Variants in C2orf80 observed in about 807,000 individuals in gnomAD.
C2orf80 encodes chromosome 2 open reading frame 80.
A neutral mutation model predicts 30.2 loss-of-function variants in C2orf80; 28 were observed. The ratio of observed to expected loss-of-function variants is 0.93; its 90% confidence interval spans 0.69 to 1.27. The LOEUF is 1.27. C2orf80 is among the 50% of genes most tolerant of loss of function. The pLI is 0.00. For missense variants in C2orf80, 220 were observed against 231.0 expected (o/e 0.95, Z 0.31); for synonymous variants, 80 against 76.4 (o/e 1.05, Z -0.24).
At position 208,176,921 on chromosome 2, in the gene C2orf80, G is replaced by A. The variant is rs572271897; in HGVS notation, c.366+3824C>T. On this transcript the variant is annotated intron_variant, in intron 6 of 8. Coordinates refer to ENST00000341287, the MANE Select transcript of C2orf80 (RefSeq NM_001099334.3). ...TATACATATCTGTGTATACATATCT[G>A]TATACATATGTATACATATCTGTAT... is the stretch of plus-strand genomic sequence containing the variant. 3.5e-3 allele frequency among the ~76,000 whole-genome samples: 341 copies of A among 96,866 alleles called. 45 individuals carry two copies. The highest frequency in any genetic ancestry group is 0.012 in the African/African-American group (325 of 26,496). The allele number at this position is 96,866 out of a possible 152,430, so 63.5% of individuals were successfully genotyped here. A position where few individuals can be genotyped will look rare whatever the true frequency, so the allele number is the denominator to read the frequency against.
intron 6 of C2orf80, among the ~76,000 whole-genome samples, chr2:208,173,426 T>C (rs1029938998): frequency 7.2e-5 from 11 of 151,962 alleles, no homozygotes; most frequent in Admixed American, 1.3e-4. Flanking sequence ...AGATCGAAAC[T>C]ATCCTGGATA....
chr2:208,189,479 T>C (rs1220838577), intron 1 of C2orf80, among the ~76,000 whole-genome samples: 1 of 152,194 alleles, frequency 6.6e-6, no homozygotes, highest in African/African-American at 2.4e-5. Flanking sequence ...TTGAACAAAT[T>C]AATTTGCCTA....
At chr2:208,189,262 C>G (rs1269609707) in intron 1 of C2orf80, among the ~76,000 whole-genome samples, 5 of 152,190 alleles carry the variant, frequency 3.3e-5, no homozygotes, top group African/African-American at 1.2e-4. Context: ...TTCAGATTTA[C>G]AAGTTATAAT....
chr2:208,171,071 CA>C lies in C2orf80; in HGVS notation c.455-9del. On this transcript the variant is annotated splice_polypyrimidine_tract_variant and intron_variant, in intron 7 of 8. Transcript: ENST00000341287. ...CCTTTCTTGACTTGACACCTACAGA[CA>C]GATGCAGTAACCATATCTGTATATA... 2 of 1,584,392 alleles carry C rather than the reference CA, an allele frequency of 1.3e-6. No homozygotes were observed. The highest frequency in any genetic ancestry group is 4.5e-5 in the East Asian group (2 of 44,774).
intron 6 of C2orf80, among the ~76,000 whole-genome samples, chr2:208,173,494 G>A (rs1290118585): frequency 6.6e-6 from 1 of 151,960 alleles, no homozygotes; most frequent in Admixed American, 6.6e-5. Context: ...GCGTGGTGGT[G>A]GGCACCTGTT....
chr2:208,181,010 T>G (rs533758031), intron 5 of C2orf80, among the ~76,000 whole-genome samples, 194 bp from the exon 6 acceptor site: 1 of 152,210 alleles, frequency 6.6e-6, no homozygotes, highest in Non-Finnish European at 1.5e-5. Context: ...CTCATTCTTT[T>G]CTTTTTTCTT....
chr2:208,180,699 T>C (rs754962577), intron 6 of C2orf80, 46 bp downstream of exon 6: 1 of 1,412,368 alleles, frequency 7.1e-7, no homozygotes, highest in South Asian at 1.2e-5. Flanking sequence ...ACTAAATAAA[T>C]TATCTCTAAA....
chr2:208,186,762 C>T (rs531367159), intron 2 of C2orf80, among the ~76,000 whole-genome samples, 184 bp downstream of exon 2: 4 of 152,274 alleles, frequency 2.6e-5, no homozygotes, highest in East Asian at 3.9e-4. Context: ...CATCCTGCCT[C>T]GCACCACAGG....
At chr2:208,175,872 AT>A (rs1574363098) in intron 6 of C2orf80, among the ~76,000 whole-genome samples, 1 of 152,042 alleles carries the variant, frequency 6.6e-6, no homozygotes, top group East Asian at 1.9e-4. Flanking sequence ...CTAATGCCTA[AT>A]TCAAAATGTG....
chr2:208,185,807 C>T (rs1217496263), intron 2 of C2orf80, among the ~76,000 whole-genome samples: 3 of 152,138 alleles, frequency 2.0e-5, no homozygotes, highest in South Asian at 2.1e-4. Flanking sequence ...AAATTTCTGC[C>T]GAAATTTCAG....
rs759621240 is a variant in C2orf80, at chr2:208,171,855, C to T, written c.454+133G>A. On this transcript the variant is annotated intron_variant, in intron 7 of 8. Transcript: ENST00000341287. ...GAGGGAAATCAAGCCCTAAGAGCCC[C>T]TGGTTCTTTTAAATTCAACCAGACA... The T allele has an allele frequency of 2.7e-4, 221 of 817,014 alleles. 1 individual carries two copies. The highest frequency in any genetic ancestry group is 3.9e-4 in the Non-Finnish European group (182 of 464,896). 50.6% of individuals were successfully genotyped at this position (817,014 alleles called of 1,614,324 possible). A position where few individuals can be genotyped will look rare whatever the true frequency, so the allele number is the denominator to read the frequency against.
intron 4 of C2orf80, among the ~76,000 whole-genome samples, chr2:208,182,152 C>T (rs1696580853): frequency 6.6e-6 from 1 of 152,158 alleles, no homozygotes; most frequent in African/African-American, 2.4e-5. Context: ...GCTATTTGAT[C>T]CTGTCCTCAT....
intron 6 of C2orf80, among the ~76,000 whole-genome samples, chr2:208,180,525 C>T (rs577404124): frequency 6.6e-6 from 1 of 151,860 alleles, no homozygotes; most frequent in Non-Finnish European, 1.5e-5. Flanking sequence ...CCTTCTCAGC[C>T]GTACACAAGA....
chr2:208,167,245 C>T (rs28590668), intron 8 of C2orf80, among the ~76,000 whole-genome samples: 4 of 151,776 alleles, frequency 2.6e-5, no homozygotes, highest in Admixed American at 6.6e-5. Flanking sequence ...GTTTCCTAGC[C>T]GGGCGCGGTG....
intron 8 of C2orf80, 89 bp downstream of exon 8, chr2:208,170,856 C>A: frequency 1.9e-6 from 2 of 1,046,560 alleles, no homozygotes; most frequent in Non-Finnish European, 2.9e-6. Context: ...GCACCTGACT[C>A]CAAAGGCTAG....
chr2:208,176,889 G>A (rs527920657), intron 6 of C2orf80, among the ~76,000 whole-genome samples: 68 of 52,384 alleles, frequency 1.3e-3, no homozygotes, highest in Non-Finnish European at 1.8e-3. Flanking sequence ...ATACATAGGT[G>A]TATATATATA....
chr2:208,165,776 T>G lies in C2orf80; in HGVS notation c.*31A>C. 1.2e-6 allele frequency: 2 copies of G among 1,612,482 alleles called. No individual in the cohort carries two copies. Among genetic ancestry groups the G allele is most frequent in the South Asian group, 2.2e-5 (2 of 90,726 alleles). On this transcript the variant is annotated 3_prime_UTR_variant, in exon 9 of 9. Transcript: ENST00000341287. ...TTCTCGTCTGCTCCCAGAGAATCTA[T>G]TATGAAGTTCCATGGTACAATTCCA...
chr2:208,184,848 G>T, intron 3 of C2orf80, 103 bp downstream of exon 3: 3 of 823,162 alleles, frequency 3.6e-6, no homozygotes, highest in Non-Finnish European at 5.8e-6. Context: ...TGGGGGATGG[G>T]TGTCAATATT....
At chr2:208,172,784 A>G (rs1245226002) in intron 6 of C2orf80, among the ~76,000 whole-genome samples, 2 of 152,190 alleles carry the variant, frequency 1.3e-5, no homozygotes, top group Non-Finnish European at 2.9e-5. Flanking sequence ...CATATACCAT[A>G]CAGAAACTCT....
Sources: allele counts gnomAD v4.1 joint callset (sites outside exome capture counted in the v4.1 genomes callset), GRCh38; gene constraint gnomAD v4.1.1; transcripts MANE v1.5; gene names NCBI Gene and HGNC (gene_info 2026-07-23, HGNC 2026-07-21).